Variants in UBXN2A observed in about 807,000 individuals in gnomAD.
UBXN2A encodes UBX domain-containing protein 2A.
UBXN2A carries 28 observed loss-of-function variants against 28.4 expected under a neutral mutation model. The ratio of observed to expected loss-of-function variants is 0.99; its 90% CI spans 0.73 to 1.35. The LOEUF (loss-of-function observed/expected upper bound fraction) is 1.35. Among genes scored for constraint, UBXN2A ranks in the 40% most tolerant of loss-of-function variants. The pLI, the probability that UBXN2A is intolerant of heterozygous loss-of-function variation, is 0.00. For synonymous variants in UBXN2A, 97 were observed against 103.6 expected (o/e 0.94, Z 0.39); for missense variants, 253 against 297.9 (o/e 0.85, Z 1.11).
intron 1 of UBXN2A, among the ~76,000 whole-genome samples, chr2:23,950,853 G>A (rs954247961): frequency 1.3e-5 from 2 of 151,400 alleles, no homozygotes; most frequent in East Asian, 1.9e-4. Flanking sequence ...ACAGGTATGC[G>A]CCACCACACC....
At chr2:23,938,415 G>A (rs554791517), upstream of UBXN2A, among the ~76,000 whole-genome samples, 30 of 151,970 alleles carry the variant, frequency 2.0e-4, no homozygotes, top group African/African-American at 6.5e-4. Flanking sequence ...ATAGTGAGCC[G>A]AGATCATGCC....
At chr2:23,976,232 C>T (rs72781634) in intron 3 of UBXN2A, among the ~76,000 whole-genome samples, 18,364 of 152,078 alleles carry the variant, frequency 0.12, 1,202 homozygotes, top group Middle Eastern at 0.21. Context: ...CCTGGCCCAC[C>T]AGTTAAAATT....
intron 4 of UBXN2A, among the ~76,000 whole-genome samples, chr2:23,981,392 C>A (rs1284301054): frequency 7.4e-6 from 1 of 135,270 alleles, no homozygotes; most frequent in Admixed American, 8.3e-5. Flanking sequence ...ATGGGAGAAT[C>A]GCTTGAGCCC....
chr2:23,970,589 G>C (rs1707373025), intron 2 of UBXN2A, among the ~76,000 whole-genome samples: 1 of 151,968 alleles, frequency 6.6e-6, no homozygotes. Context: ...GGGGAGAAGG[G>C]GAGATGGTTT....
chr2:23,950,114 G>A (rs1229596312), intron 1 of UBXN2A, among the ~76,000 whole-genome samples: 1 of 149,296 alleles, frequency 6.7e-6, no homozygotes, highest in Non-Finnish European at 1.5e-5. Flanking sequence ...CCTCAGCGAT[G>A]TCAGATCTGG....
chr2:23,936,889 T>G (rs1479443605), upstream of UBXN2A, among the ~76,000 whole-genome samples: 2 of 151,984 alleles, frequency 1.3e-5, no homozygotes, highest in Non-Finnish European at 2.9e-5. Context: ...TTTTGTATTT[T>G]TAGTACAGAC....
At chr2:23,960,572 G>T (rs954664496) in intron 2 of UBXN2A, among the ~76,000 whole-genome samples, 1 of 152,058 alleles carries the variant, frequency 6.6e-6, no homozygotes, top group African/African-American at 2.4e-5. Flanking sequence ...ACCCCAAAGA[G>T]AAACCCCATA....
chr2:23,960,351 T>C (rs1706845671), intron 2 of UBXN2A, among the ~76,000 whole-genome samples: 1 of 152,214 alleles, frequency 6.6e-6, no homozygotes, highest in South Asian at 2.1e-4. Flanking sequence ...TCAGATCTGC[T>C]ATATTAACTC....
intron 6 of UBXN2A, among the ~76,000 whole-genome samples, chr2:23,999,162 A>C (rs1381811590): frequency 2.0e-5 from 3 of 152,092 alleles, no homozygotes; most frequent in Non-Finnish European, 4.4e-5. Context: ...ATTTTTTCAC[A>C]TTTTAGCATC....
At chr2:23,960,035 G>A (rs1453369858) in intron 2 of UBXN2A, among the ~76,000 whole-genome samples, 1 of 151,984 alleles carries the variant, frequency 6.6e-6, no homozygotes, top group African/African-American at 2.4e-5. Context: ...GGTGGATCAC[G>A]AAGTCAGGAG....
chr2:23,957,449 C>A (rs1256130685), intron 1 of UBXN2A, among the ~76,000 whole-genome samples: 1 of 152,114 alleles, frequency 6.6e-6, no homozygotes, highest in Non-Finnish European at 1.5e-5. Flanking sequence ...ACTACAGGTG[C>A]GTACCACCAC....
chr2:23,969,011 GC>G (rs1707293568), intron 2 of UBXN2A: 1 of 149,606 alleles, frequency 6.7e-6, no homozygotes, highest in South Asian at 2.1e-4. Flanking sequence ...TTCTGCCTCA[GC>G]CTCCTGAGTA....
intron 1 of UBXN2A, among the ~76,000 whole-genome samples, chr2:23,955,980 T>G (rs1306649671): frequency 6.6e-6 from 1 of 152,216 alleles, no homozygotes; most frequent in Non-Finnish European, 1.5e-5. Context: ...TTCTCATGCC[T>G]CAGCCTCCTG....
At chr2:23,971,806 C>A (rs28376728) in intron 3 of UBXN2A, among the ~76,000 whole-genome samples, 3,125 of 152,028 alleles carry the variant, frequency 0.021, 53 homozygotes, top group South Asian at 0.032. Context: ...GATATTGTTT[C>A]CCTTTTTCAC....
chr2:23,975,413 C>T (rs1446881648), intron 3 of UBXN2A, among the ~76,000 whole-genome samples: 4 of 152,062 alleles, frequency 2.6e-5, no homozygotes, highest in Non-Finnish European at 4.4e-5. Flanking sequence ...TTAAAAAAAA[C>T]ATTTCAATCA....
At chr2:23,945,988 C>G (rs1278960113) in intron 1 of UBXN2A, among the ~76,000 whole-genome samples, 1 of 151,478 alleles carries the variant, frequency 6.6e-6, no homozygotes, top group Non-Finnish European at 1.5e-5. Context: ...TGTGTTCCCA[C>G]GTCCGGCTAG....
upstream of UBXN2A, among the ~76,000 whole-genome samples, chr2:23,936,660 TGA>T (rs1705538811): frequency 6.6e-6 from 1 of 152,138 alleles, no homozygotes; most frequent in South Asian, 2.1e-4. Flanking sequence ...TACTCAATGG[TGA>T]GAGAGACTGA....
intron 5 of UBXN2A, 141 bp downstream of exon 5, chr2:23,983,174 T>C (rs1362366444): frequency 6.8e-6 from 7 of 1,029,542 alleles, no homozygotes; most frequent in Non-Finnish European, 9.0e-6. Context: ...ATGTTAATTT[T>C]TATGAGGACA....
At chr2:23,996,433 C>T (rs888590592) in intron 6 of UBXN2A, among the ~76,000 whole-genome samples, 1 of 150,554 alleles carries the variant, frequency 6.6e-6, no homozygotes, top group East Asian at 2.0e-4. Flanking sequence ...TATTGTTGTT[C>T]AATTATGCCT....
Sources: allele counts gnomAD v4.1 joint callset (sites outside exome capture counted in the v4.1 genomes callset), GRCh38; gene constraint gnomAD v4.1.1; transcripts MANE v1.5; gene names NCBI Gene and HGNC (gene_info 2026-07-23, HGNC 2026-07-21).